The following PIWIL3 variants were observed in gnomAD, a reference collection of about 807,000 sequenced individuals.
PIWIL3 encodes piwi like RNA-mediated gene silencing 3.
In PIWIL3, 101 loss-of-function variants were observed where a neutral mutation model predicts 109.7. The observed-to-expected ratio is 0.92, with a 90% confidence interval of 0.78 to 1.09. The LOEUF is 1.09. Ranked by LOEUF, PIWIL3 falls within the 50% of genes least tolerant of loss-of-function variation. PIWIL3 has a pLI of 0.00. For synonymous variants in PIWIL3, 373 were observed against 376.4 expected, an observed-to-expected ratio of 0.99 and a Z score of 0.10; for missense variants, 1,031 against 1,072.6, an observed-to-expected ratio of 0.96 and a Z score of 0.54.
At chr22:24,740,343 T>G (rs965625068) in intron 12 of PIWIL3, among the ~76,000 whole-genome samples, 2 of 150,904 alleles carry the variant, frequency 1.3e-5, no homozygotes, top group African/African-American at 2.4e-5. Context: ...GGTCAGGAGA[T>G]CGAGACCATC....
intron 7 of PIWIL3, among the ~76,000 whole-genome samples, chr22:24,754,535 G>A (rs747712523): frequency 6.6e-6 from 1 of 152,086 alleles, no homozygotes; most frequent in Non-Finnish European, 1.5e-5. Context: ...TATACATTTT[G>A]GATGATTGTT....
At chr22:24,739,894 C>CA (rs1202096700) in intron 12 of PIWIL3, among the ~76,000 whole-genome samples, 1 of 150,912 alleles carries the variant, frequency 6.6e-6, no homozygotes, top group African/African-American at 2.4e-5. Flanking sequence ...ACTAAAAATA[C>CA]AAAAAAATTA....
chr22:24,754,742 G>A (rs367968935), intron 7 of PIWIL3, 42 bp downstream of exon 7: 31 of 1,464,670 alleles, frequency 2.1e-5, no homozygotes, highest in Middle Eastern at 1.7e-4. Flanking sequence ...AAAATCCTAC[G>A]TTTAAGTCTG....
In PIWIL3 at chr22:24,719,568, C is replaced by T. The variant is rs772476287; in HGVS notation, c.2526G>A (p.Ala842=). The change falls in exon 21 of 21, where the codon GCG becomes GCA. Residue 842 remains alanine (A), a synonymous_variant. Coordinates refer to ENST00000616349, the MANE Select transcript of PIWIL3 (RefSeq NM_001255975.1). ...YNLPGIIRVP[A]PCHYAHKLAY... Reference sequence around the variant, plus strand: ...CCAGCTTGTGGGCATAGTGGCAAGGCGCTGGAACTCGGATGATGCCCTTTA... The same window carrying T: ...CCAGCTTGTGGGCATAGTGGCAAGGTGCTGGAACTCGGATGATGCCCTTTA... The T allele has an allele frequency of 3.1e-5, 49 of 1,599,352 alleles. No individual in the cohort carries two copies. The highest frequency in any genetic ancestry group is 6.8e-5 in the South Asian group (6 of 88,320).
chr22:24,734,820 C>CTTTT (rs34841642), intron 13 of PIWIL3, among the ~76,000 whole-genome samples: 1 of 135,040 alleles, frequency 7.4e-6, no homozygotes, highest in African/African-American at 2.7e-5. Context: ...CAGAACATAA[C>CTTTT]TTTTTTTTTT....
chr22:24,740,625 T>C (rs551635838), intron 12 of PIWIL3, among the ~76,000 whole-genome samples: 2 of 151,418 alleles, frequency 1.3e-5, no homozygotes, highest in Admixed American at 6.6e-5. Flanking sequence ...AAGGCCACTA[T>C]GAACACCTTT....
chr22:24,741,763 AT>A (rs1332924437), intron 12 of PIWIL3, among the ~76,000 whole-genome samples: 1 of 152,170 alleles, frequency 6.6e-6, no homozygotes, highest in Non-Finnish European at 1.5e-5. Context: ...ATACATGGAA[AT>A]TAGATAACCC....
intron 2 of PIWIL3, among the ~76,000 whole-genome samples, chr22:24,761,455 C>G (rs1925435226): frequency 6.6e-6 from 1 of 152,182 alleles, no homozygotes; most frequent in African/African-American, 2.4e-5. Context: ...CCCTGTGAAT[C>G]TGGCAGAGTG....
intron 13 of PIWIL3, among the ~76,000 whole-genome samples, chr22:24,735,108 G>A (rs1923587085): frequency 6.6e-6 from 1 of 152,168 alleles, no homozygotes; most frequent in East Asian, 1.9e-4. Flanking sequence ...GGGGCAGGTG[G>A]TGGTAGGAAG....
rs5760638 is a variant in PIWIL3, at chr22:24,774,521, G to C, written c.-222C>G. On this transcript the variant is annotated 5_prime_UTR_variant, in exon 1 of 21. Transcript: ENST00000616349. Reference sequence around the variant, plus strand: ...CTTCCAAATCCTCCCTTTAAAAACCGCTTTGGCCGGGCGCGGTGGCTCACG... The same window carrying C: ...CTTCCAAATCCTCCCTTTAAAAACCCCTTTGGCCGGGCGCGGTGGCTCACG... 66,379 of 152,320 alleles carry C rather than the reference G, an allele frequency of 0.44. 14,705 individuals are homozygous for C. Among genetic ancestry groups the C allele is most frequent in the East Asian group, 0.59 (3,037 of 5,172 alleles). The allele number at this position is 152,320 out of a possible 1,614,324, so 9.4% of individuals were successfully genotyped here. A position where few individuals can be genotyped will look rare whatever the true frequency, so the allele number is the denominator to read the frequency against.
intron 1 of PIWIL3, among the ~76,000 whole-genome samples, chr22:24,773,973 A>G (rs11090345): frequency 0.68 from 102,807 of 151,896 alleles, 35,076 homozygotes; most frequent in East Asian, 0.75. Context: ...TCAGCCTCCC[A>G]AAGTGCTGGG....
intron 1 of PIWIL3, among the ~76,000 whole-genome samples, chr22:24,764,837 C>T (rs1474187736): frequency 2.6e-5 from 4 of 152,168 alleles, no homozygotes; most frequent in African/African-American, 4.8e-5. Flanking sequence ...ATTGGCATGG[C>T]TGATGAAGAC....
chr22:24,755,684 G>C (rs1924982036), intron 6 of PIWIL3, 100 bp downstream of exon 6: 1 of 1,460,966 alleles, frequency 6.8e-7, no homozygotes, highest in African/African-American at 1.4e-5. Flanking sequence ...ATGAGGACTA[G>C]GAAGAACACT....
At chr22:24,760,455 G>A (rs1338809156) in intron 2 of PIWIL3, among the ~76,000 whole-genome samples, 1 of 152,044 alleles carries the variant, frequency 6.6e-6, no homozygotes, top group African/African-American at 2.4e-5. Flanking sequence ...AAGGGAAGGA[G>A]GTCATTTTAA....
chr22:24,768,531 C>T (rs111319837), intron 1 of PIWIL3, among the ~76,000 whole-genome samples: 8,534 of 152,250 alleles, frequency 0.056, 298 homozygotes, highest in South Asian at 0.11. Flanking sequence ...GGATTACAGG[C>T]GTGAGCCCCC....
chr22:24,761,437 G>A (rs968673758), intron 2 of PIWIL3, among the ~76,000 whole-genome samples: 2 of 152,084 alleles, frequency 1.3e-5, no homozygotes, highest in African/African-American at 4.8e-5. Flanking sequence ...CAAGTCTGAG[G>A]AGAGCTGCCC....
chr22:24,735,539 G>A (rs780319118), intron 13 of PIWIL3, among the ~76,000 whole-genome samples, 169 bp downstream of exon 13: 7 of 152,234 alleles, frequency 4.6e-5, no homozygotes, highest in Admixed American at 6.5e-5. Flanking sequence ...CTTAATAGCC[G>A]TAAACCATAT....
intron 12 of PIWIL3, among the ~76,000 whole-genome samples, chr22:24,748,652 AT>A (rs35486129): frequency 0.054 from 8,273 of 152,302 alleles, 298 homozygotes; most frequent in South Asian, 0.13. Context: ...TTAAGGATAT[AT>A]TTGAAAAAAT....
At chr22:24,758,924 CTAA>C in intron 3 of PIWIL3, among the ~76,000 whole-genome samples, 1 of 102,062 alleles carries the variant, frequency 9.8e-6, no homozygotes, top group South Asian at 3.0e-4. Flanking sequence ...CAGACGGAGT[CTAA>C]CTGTCACCCA....
Sources: allele counts gnomAD v4.1 joint callset (sites outside exome capture counted in the v4.1 genomes callset), GRCh38; gene constraint gnomAD v4.1.1; transcripts MANE v1.5; gene names NCBI Gene and HGNC (gene_info 2026-07-23, HGNC 2026-07-21).